CCDC154: variants seen among roughly 807,000 people sequenced by gnomAD.
The protein encoded by CCDC154 is coiled-coil domain-containing protein 154.
CCDC154 carries 91 observed loss-of-function variants against 87.5 expected under a neutral mutation model. The ratio of observed to expected loss-of-function variants is 1.04; its 90% CI spans 0.88 to 1.24. The LOEUF is 1.24. Ranked by LOEUF, CCDC154 falls within the 50% of genes most tolerant of loss-of-function variation. The probability of loss-of-function intolerance (pLI) is 0.00; values close to 1 mark genes in which losing one functional copy is unlikely to be tolerated. For missense variants in CCDC154, 903 were observed against 879.2 expected, an observed-to-expected ratio of 1.03 and a Z score of -0.34; for synonymous variants, 418 against 400.4, an observed-to-expected ratio of 1.04 and a Z score of -0.52.
In CCDC154 at chr16:1,442,957, T is replaced by C. The variant is rs2038567589; in HGVS notation, c.474A>G (p.Glu158=). 6 of 1,549,878 alleles carry C rather than the reference T, an allele frequency of 3.9e-6. No homozygotes were observed. The highest frequency in any genetic ancestry group is 3.5e-6 in the Non-Finnish European group (4 of 1,146,752). The change falls in exon 5 of 17, where the codon GAA becomes GAG. Residue 158 remains glutamate, a synonymous_variant. Transcript: ENST00000389176. ...GCCTCCTCCTGAGCCGGGTCAAGGC[T>C]TCCCGGACCTCCACCAGCCTGGGAC... ...ALDKRLVEVR[E]ALTRLRRRQV...
intron 3 of CCDC154, 36 bp from the exon 4 acceptor site, chr16:1,443,337 A>G: frequency 6.5e-7 from 1 of 1,537,796 alleles, no homozygotes; most frequent in Non-Finnish European, 8.8e-7. Flanking sequence ...GGCTGGACCT[A>G]GGCCCGGGTC....
At chr16:1,436,419 C>T (rs766420843) in intron 13 of CCDC154, 26 bp downstream of exon 13, 175 of 1,535,884 alleles carry the variant, frequency 1.1e-4, no homozygotes, top group East Asian at 2.4e-5. Context: ...AGCCCCTGCC[C>T]CTCTCCCAGG....
intron 15 of CCDC154, 107 bp downstream of exon 15, chr16:1,434,982 A>C: frequency 7.0e-7 from 1 of 1,420,844 alleles, no homozygotes; most frequent in East Asian, 2.5e-5. Context: ...ATGGCCAGAC[A>C]CTTGGACAGA....
chr16:1,442,355 C>G, intron 6 of CCDC154, 51 bp downstream of exon 6: 1 of 1,504,120 alleles, frequency 6.6e-7, no homozygotes, highest in South Asian at 1.3e-5. Flanking sequence ...GGGTTAGGGT[C>G]TCCTCCTCGG....
chr16:1,442,730 C>G, intron 5 of CCDC154, 150 bp downstream of exon 5: 1 of 1,012,918 alleles, frequency 9.9e-7, no homozygotes, highest in African/African-American at 1.6e-5. Context: ...CGCAGCGGGC[C>G]CAGGCTTCCC....
rs576654974 is a variant in CCDC154, at chr16:1,444,126, C to T, written c.8-114G>A. 2.2e-4 allele frequency: 227 copies of T among 1,017,588 alleles called. 1 individual carries two copies. In the African/African-American group the frequency reaches 2.8e-3, roughly 13 times the overall value. 63.0% of individuals were successfully genotyped at this position (1,017,588 alleles called of 1,614,324 possible). A position where few individuals can be genotyped will look rare whatever the true frequency, so the allele number is the denominator to read the frequency against. ...CTCGCCCACCACCCAGAGCTCAACGCGTCTCCTTGGGTCACACAGGATCCA... is the reference window on the plus strand; with the variant it reads ...CTCGCCCACCACCCAGAGCTCAACGTGTCTCCTTGGGTCACACAGGATCCA... On this transcript the variant is annotated intron_variant, in intron 1 of 16. Coordinates refer to ENST00000389176, the MANE Select transcript of CCDC154 (RefSeq NM_001143980.3).
At chr16:1,436,325 G>T in intron 13 of CCDC154, 120 bp downstream of exon 13, 2 of 996,010 alleles carry the variant, frequency 2.0e-6, no homozygotes, top group South Asian at 1.5e-5. Flanking sequence ...CCAGGCCCGG[G>T]CTCAGGGGGA....
rs554410546 is a variant in CCDC154 at position 1,443,690 on chromosome 16, A to T, written c.230T>A (p.Val77Glu). 9 of 1,292,028 alleles carry T rather than the reference A, an allele frequency of 7.0e-6. 1 individual carries two copies. In the South Asian group the frequency reaches 1.0e-4, roughly 15 times the overall value. 80.0% of individuals were successfully genotyped at this position (1,292,028 alleles called of 1,614,324 possible). A position where few individuals can be genotyped will look rare whatever the true frequency, so the allele number is the denominator to read the frequency against. Residue 77 changes from valine (V) to glutamate (E), a missense_variant, in exon 3 of 17, where the codon GTG (valine) becomes GAG (glutamate). Coordinates refer to ENST00000389176, the MANE Select transcript of CCDC154 (RefSeq NM_001143980.3). ...GCAGGCCACCTCGGCCTGCAGCTCCACCACCCTGGCCGGGGCGAGAGTGGG... is the reference window on the plus strand; with the variant it reads ...GCAGGCCACCTCGGCCTGCAGCTCCTCCACCCTGGCCGGGGCGAGAGTGGG... ...KHWNQLEQWV[V>E]ELQAEVACLR...
rs1371641754 is a variant in CCDC154, at chr16:1,443,574, A to G, written c.346T>C (p.Ser116Pro). 2 of 1,480,666 alleles carry G rather than the reference A, an allele frequency of 1.4e-6. No individual in the cohort carries two copies. Among genetic ancestry groups the G allele is most frequent in the South Asian group, 2.5e-5 (2 of 80,758 alleles). 91.7% of individuals were successfully genotyped at this position (1,480,666 alleles called of 1,614,324 possible). A position where few individuals can be genotyped will look rare whatever the true frequency, so the allele number is the denominator to read the frequency against. Residue 116 changes from serine to proline, a missense_variant, in exon 3 of 17, where the codon TCA becomes CCA. Ser to Pro is a moderately conservative substitution (Grantham distance 74). Coordinates refer to ENST00000389176, the MANE Select transcript of CCDC154 (RefSeq NM_001143980.3). ...TCCTGCTGCAACTGCCTCAGCTCTG[A>G]GCCCTGCAGCTGCACGCGGGCCCGC... is the stretch of plus-strand genomic sequence containing the variant. ...QVRARVQLQG[S>P]ELRQLQQEAR...
chr16:1,442,174 C>T (rs971580480), intron 6 of CCDC154, among the ~76,000 whole-genome samples: 14 of 152,334 alleles, frequency 9.2e-5, no homozygotes, highest in African/African-American at 2.9e-4. Flanking sequence ...CCTCAGCCTC[C>T]CAAAGTGCTG....
Position 1,437,798 on chromosome 16 carries a change from C to A in CCDC154, c.1290+19G>T. 2 of 1,519,114 alleles carry A rather than the reference C, an allele frequency of 1.3e-6. No individual in the cohort carries two copies. Among genetic ancestry groups the A allele is most frequent in the Non-Finnish European group, 1.8e-6 (2 of 1,134,690 alleles). The allele number at this position is 1,519,114 out of a possible 1,614,324, so 94.1% of individuals were successfully genotyped here. On this transcript the variant is annotated intron_variant, in intron 11 of 16. Transcript: ENST00000389176. ...GACTCCCCATAGCCCCGCCTGCCCCCGCCCGCTGCCTGGCGCACCTCGGAC... is the reference window on the plus strand; with the variant it reads ...GACTCCCCATAGCCCCGCCTGCCCCAGCCCGCTGCCTGGCGCACCTCGGAC...
rs143389000 is a variant in CCDC154 at position 1,437,733 on chromosome 16, A to T, written c.1290+84T>A. ...CTTGGGACCGGCCTGTCAGGCCTCTACCCTGGGGGCAGTGGTGGGCTGAGA... is the reference window on the plus strand; with the variant it reads ...CTTGGGACCGGCCTGTCAGGCCTCTTCCCTGGGGGCAGTGGTGGGCTGAGA... On this transcript the variant is annotated intron_variant, in intron 11 of 16. Transcript: ENST00000389176. 2.0e-3 allele frequency: 2,810 copies of T among 1,436,268 alleles called. 55 individuals carry two copies. In the African/African-American group the frequency reaches 0.036, roughly 18 times the overall value. The allele number at this position is 1,436,268 out of a possible 1,614,324, so 89.0% of individuals were successfully genotyped here.
At chr16:1,442,573 G>C in intron 5 of CCDC154, 44 bp from the exon 6 acceptor site, 1 of 1,483,684 alleles carries the variant, frequency 6.7e-7, no homozygotes. Context: ...CTGGCCGGAG[G>C]GCCCAGCAGG....
chr16:1,443,704 G>A lies in CCDC154; in HGVS notation c.225-9C>T, dbSNP rs1438069092. 7.7e-7 allele frequency: 1 copy of A among 1,293,636 alleles called. No individual in the cohort carries two copies. Among genetic ancestry groups the A allele is most frequent in the South Asian group, 1.3e-5 (1 of 78,370 alleles). The allele number at this position is 1,293,636 out of a possible 1,614,324, so 80.1% of individuals were successfully genotyped here. A position where few individuals can be genotyped will look rare whatever the true frequency, so the allele number is the denominator to read the frequency against. ...CCTGCAGCTCCACCACCCTGGCCGGGGCGAGAGTGGGCGAGTCTGGCGGTG... is the reference window on the plus strand; with the variant it reads ...CCTGCAGCTCCACCACCCTGGCCGGAGCGAGAGTGGGCGAGTCTGGCGGTG... On this transcript the variant is annotated splice_polypyrimidine_tract_variant and intron_variant, in intron 2 of 16. Coordinates refer to ENST00000389176, the MANE Select transcript of CCDC154 (RefSeq NM_001143980.3).
At chr16:1,439,326 C>T (rs1276465682) in intron 6 of CCDC154, 200 bp from the exon 7 acceptor site, 1 of 595,010 alleles carries the variant, frequency 1.7e-6, no homozygotes, top group Non-Finnish European at 3.0e-6. Flanking sequence ...ACCAACCAGG[C>T]ATGGGTTTGT....
chr16:1,443,134 C>T (rs1010231221), intron 4 of CCDC154, 127 bp downstream of exon 4: 26 of 1,359,172 alleles, frequency 1.9e-5, no homozygotes, highest in Middle Eastern at 4.2e-4. Flanking sequence ...TCTAGCTGGA[C>T]CTGGATGTGT....
chr16:1,436,874 C>T (rs3751894), intron 11 of CCDC154, 63 bp from the exon 12 acceptor site: 721,691 of 1,539,550 alleles, frequency 0.47, 174,229 homozygotes, highest in African/African-American at 0.73. Context: ...GATGGAAAGA[C>T]GGACACGGGG....
chr16:1,436,959 G>A, intron 11 of CCDC154, 148 bp from the exon 12 acceptor site: 2 of 1,180,098 alleles, frequency 1.7e-6, no homozygotes, highest in South Asian at 3.0e-5. Flanking sequence ...CAGGCGGCTG[G>A]GATGGCCTGG....
At chr16:1,440,708 T>C (rs2038544046) in intron 6 of CCDC154, among the ~76,000 whole-genome samples, 1 of 151,700 alleles carries the variant, frequency 6.6e-6, no homozygotes, top group Admixed American at 6.6e-5. Flanking sequence ...CCCAGCACTT[T>C]GGGAGGCCGA....
Sources: allele counts gnomAD v4.1 joint callset (sites outside exome capture counted in the v4.1 genomes callset), GRCh38; gene constraint gnomAD v4.1.1; transcripts MANE v1.5; gene names NCBI Gene and HGNC (gene_info 2026-07-23, HGNC 2026-07-21).